ELMO1: variants seen among roughly 807,000 people sequenced by gnomAD.
ELMO1 encodes engulfment and cell motility 1.
A neutral mutation model predicts 98.9 loss-of-function variants in ELMO1; 26 were observed. The observed-to-expected ratio is 0.26, with a 90% confidence interval of 0.19 to 0.36. The LOEUF (loss-of-function observed/expected upper bound fraction) is 0.36, where lower values mean the gene tolerates loss of function less well. ELMO1 is among the 10% of genes least tolerant of loss of function. The pLI is 1.00. For synonymous variants in ELMO1, 346 were observed against 346.0 expected (o/e 1.00, Z 0.00); for missense variants, 627 against 935.2 (o/e 0.67, Z 4.30).
chr7:37,111,687 T>C (rs1441999017), intron 14 of ELMO1, among the ~76,000 whole-genome samples: 1 of 152,226 alleles, frequency 6.6e-6, no homozygotes, highest in Non-Finnish European at 1.5e-5. Context: ...ATGGGTACAA[T>C]GATAGTGAGA....
In ELMO1 at chr7:36,854,538, C is replaced by CA. The variant is rs70977201; in HGVS notation, c.*1012dup. On this transcript the variant is annotated 3_prime_UTR_variant, in exon 22 of 22. Coordinates refer to ENST00000310758, the MANE Select transcript of ELMO1 (RefSeq NM_014800.11). ...TAGACTCTTTTGTACAAAAACAAAG[C>CA]AAAAAAAAAAAAAAAAACTAACCCA... The CA allele has an allele frequency of 0.043, 5,663 of 132,810 alleles. 155 individuals carry two copies. The highest frequency in any genetic ancestry group is 0.08 in the Middle Eastern group (20 of 250). The allele number at this position is 132,810 out of a possible 1,614,324, so 8.2% of individuals were successfully genotyped here.
chr7:37,267,293 C>G (rs1024831017), intron 5 of ELMO1, among the ~76,000 whole-genome samples: 1 of 152,168 alleles, frequency 6.6e-6, no homozygotes, highest in African/African-American at 2.4e-5. Flanking sequence ...ACCTCCTCGG[C>G]AGCACGTATC....
chr7:36,971,172 A>T (rs1450745368), intron 16 of ELMO1, among the ~76,000 whole-genome samples: 1 of 152,246 alleles, frequency 6.6e-6, no homozygotes, highest in Non-Finnish European at 1.5e-5. Context: ...AGAAACACTG[A>T]GTTTCACCAA....
intron 6 of ELMO1, among the ~76,000 whole-genome samples, chr7:37,246,995 T>C (rs949955981): frequency 3.9e-5 from 6 of 152,210 alleles, no homozygotes; most frequent in Non-Finnish European, 2.9e-5. Flanking sequence ...TTGCTTCATA[T>C]AAATTTGTGC....
intron 16 of ELMO1, among the ~76,000 whole-genome samples, chr7:36,902,270 T>G (rs1783629293): frequency 6.6e-6 from 1 of 152,242 alleles, no homozygotes; most frequent in South Asian, 2.1e-4. Flanking sequence ...ACAAAGGATG[T>G]GTGGTCTAAT....
chr7:37,216,373 T>A (rs1793283587), intron 11 of ELMO1, among the ~76,000 whole-genome samples: 1 of 152,136 alleles, frequency 6.6e-6, no homozygotes, highest in Admixed American at 6.5e-5. Flanking sequence ...CTGAGAGAGC[T>A]ATCCAACCCT....
intron 2 of ELMO1, among the ~76,000 whole-genome samples, chr7:37,332,176 G>A (rs1438062161): frequency 6.6e-6 from 1 of 152,132 alleles, no homozygotes; most frequent in East Asian, 1.9e-4. Flanking sequence ...TGGCTTTGAT[G>A]GAAAGACACA....
chr7:37,291,935 T>TCC (rs1358663139), intron 4 of ELMO1, among the ~76,000 whole-genome samples: 2,712 of 86,588 alleles, frequency 0.031, 220 homozygotes, highest in African/African-American at 0.12. Context: ...CCCCTCCCCC[T>TCC]CCCTCTCCCT....
In ELMO1 at chr7:36,861,878, A is replaced by G; in HGVS notation, c.1906-142T>C. ...TGCAATGAGGCTGATGGAAGGAGGA[A>G]CCATGCTCTTCAAGGTTCACGGCAT... On this transcript the variant is annotated intron_variant, in intron 20 of 21. Transcript: ENST00000310758. 4.0e-6 allele frequency: 3 copies of G among 741,284 alleles called. No homozygotes were observed. The African/African-American group carries it at 5.2e-5, about 13-fold the overall frequency. The allele number at this position is 741,284 out of a possible 1,614,324, so 45.9% of individuals were successfully genotyped here. A position where few individuals can be genotyped will look rare whatever the true frequency, so the allele number is the denominator to read the frequency against.
At position 37,033,986 on chromosome 7, in the gene ELMO1, C is replaced by G. The variant is rs140587742; in HGVS notation, c.1301-20551G>C. On this transcript the variant is annotated intron_variant, in intron 15 of 21. Coordinates refer to ENST00000310758, the MANE Select transcript of ELMO1 (RefSeq NM_014800.11). ...AAAAATTAGAGCATTAGTGGACTTA[C>G]TTACATTGTATTCCCATGTACAAAT... Among the ~76,000 whole-genome samples the G allele has an allele frequency of 1.8e-3, 278 of 152,316 alleles. 4 individuals are homozygous for G. Among genetic ancestry groups the G allele is most frequent in the African/African-American group, 6.3e-3 (263 of 41,558 alleles).
intron 13 of ELMO1, among the ~76,000 whole-genome samples, chr7:37,172,557 T>C (rs1790238629): frequency 6.6e-6 from 1 of 152,196 alleles, no homozygotes; most frequent in Admixed American, 6.5e-5. Flanking sequence ...ATCAGCTGAA[T>C]GCAGAAAAAG....
chr7:36,977,400 T>C (rs1790648226), intron 16 of ELMO1, among the ~76,000 whole-genome samples: 1 of 152,228 alleles, frequency 6.6e-6, no homozygotes, highest in African/African-American at 2.4e-5. Context: ...GTCAGAGTTG[T>C]AGACAGAGAC....
At chr7:37,240,431 C>A (rs1313931383) in intron 7 of ELMO1, among the ~76,000 whole-genome samples, 1 of 151,794 alleles carries the variant, frequency 6.6e-6, no homozygotes, top group Non-Finnish European at 1.5e-5. Context: ...TTTCTCTTTT[C>A]TTTTTTTTCC....
At chr7:37,006,412 G>A (rs751784455) in intron 16 of ELMO1, among the ~76,000 whole-genome samples, 10 of 152,128 alleles carry the variant, frequency 6.6e-5, no homozygotes, top group African/African-American at 1.2e-4. Context: ...TGCCACTACC[G>A]GTTTACAGGT....
intron 16 of ELMO1, among the ~76,000 whole-genome samples, chr7:36,962,782 T>C (rs1183198801): frequency 6.6e-6 from 1 of 151,854 alleles, no homozygotes; most frequent in Non-Finnish European, 1.5e-5. Context: ...TAGCATTGTC[T>C]GCAGTTAGCA....
intron 5 of ELMO1, among the ~76,000 whole-genome samples, chr7:37,267,662 G>A (rs983675032): frequency 1.3e-5 from 2 of 152,152 alleles, no homozygotes; most frequent in Admixed American, 6.5e-5. Context: ...AGATTATCTA[G>A]GACTGTAGAT....
chr7:37,440,776 A>T (rs1814309), intron 1 of ELMO1, among the ~76,000 whole-genome samples: 17,920 of 151,364 alleles, frequency 0.12, 1,513 homozygotes, highest in Non-Finnish European at 0.17. Context: ...CTCAAAAAAA[A>T]AAAAAAATCT....
intron 1 of ELMO1, among the ~76,000 whole-genome samples, chr7:37,402,045 CT>C (rs1202611853): frequency 6.6e-6 from 1 of 152,232 alleles, no homozygotes; most frequent in East Asian, 1.9e-4. Context: ...TTCTTCAGGT[CT>C]TTCGTTCCCT....
At chr7:37,215,841 C>T (rs1018739286) in intron 11 of ELMO1, among the ~76,000 whole-genome samples, 1 of 152,180 alleles carries the variant, frequency 6.6e-6, no homozygotes, top group Non-Finnish European at 1.5e-5. Context: ...CTTTTCAATG[C>T]CAGCCACCTC....
Sources: gnomAD v4.1 joint callset for allele counts (sites outside exome capture counted in the v4.1 genomes callset) on GRCh38, gnomAD v4.1.1 for gene constraint, MANE v1.5 for transcripts, NCBI Gene and HGNC (gene_info 2026-07-23, HGNC 2026-07-21) for gene names.